SETBP1: variants seen among roughly 807,000 people sequenced by gnomAD.
SETBP1 encodes SET-binding protein.
In SETBP1, 9 loss-of-function variants were observed where a neutral mutation model predicts 101.0. That is an observed-to-expected ratio of 0.09 (90% CI 0.05 to 0.16). The LOEUF (loss-of-function observed/expected upper bound fraction) is 0.16. Ranked by LOEUF, SETBP1 falls within the 10% of genes least tolerant of loss-of-function variation. The pLI, the probability that SETBP1 is intolerant of heterozygous loss-of-function variation, is 1.00. For synonymous variants in SETBP1, 818 were observed against 788.5 expected (o/e 1.04, Z -0.63); for missense variants, 1,858 against 2,033.8 (o/e 0.91, Z 1.66).
chr18:44,713,363 G>A (rs1318187537), intron 2 of SETBP1, among the ~76,000 whole-genome samples: 4 of 152,042 alleles, frequency 2.6e-5, no homozygotes, highest in South Asian at 2.1e-4. Flanking sequence ...CACCTTTCGC[G>A]GCAGCCCTTG....
intron 2 of SETBP1, among the ~76,000 whole-genome samples, chr18:44,838,837 C>A (rs2072552411): frequency 6.6e-6 from 1 of 152,082 alleles, no homozygotes; most frequent in Admixed American, 6.5e-5. Flanking sequence ...CCCTCAGCCC[C>A]ACCCCACACT....
chr18:44,767,656 G>A (rs1437386562), intron 2 of SETBP1, among the ~76,000 whole-genome samples: 2 of 152,174 alleles, frequency 1.3e-5, no homozygotes, highest in African/African-American at 4.8e-5. Context: ...GGTCAACATA[G>A]GCCACCACCA....
rs186066077 is a variant in SETBP1, at chr18:44,861,576, C to G, written c.487-7654C>G. On this transcript the variant is annotated intron_variant, in intron 2 of 5. Transcript: ENST00000649279. ...ATAGAGCTCCCAACAGTATACATAC[C>G]CAAGGTAGCCAGAGGCTCATAAGAT... 4.9e-4 allele frequency among the ~76,000 whole-genome samples: 74 copies of G among 152,008 alleles called. 1 individual carries two copies. The highest frequency in any genetic ancestry group is 6.3e-4 in the Non-Finnish European group (43 of 67,956).
At chr18:45,022,643 A>G (rs1171297965) in intron 4 of SETBP1, among the ~76,000 whole-genome samples, 2 of 152,158 alleles carry the variant, frequency 1.3e-5, no homozygotes, top group Non-Finnish European at 2.9e-5. Flanking sequence ...CAGCCTGGCC[A>G]ACATGGTGAA....
chr18:44,820,532 G>A (rs2072089507), intron 2 of SETBP1, among the ~76,000 whole-genome samples: 1 of 152,110 alleles, frequency 6.6e-6, no homozygotes. Context: ...TTGAGACCTG[G>A]GGTTCTTTTC....
At chr18:44,809,172 C>G (rs1004501382) in intron 2 of SETBP1, among the ~76,000 whole-genome samples, 6 of 152,110 alleles carry the variant, frequency 3.9e-5, no homozygotes, top group Non-Finnish European at 8.8e-5. Flanking sequence ...ATGAATCTTT[C>G]AAACCACAGC....
At chr18:44,919,565 A>G (rs1223092326) in intron 3 of SETBP1, among the ~76,000 whole-genome samples, 2 of 151,726 alleles carry the variant, frequency 1.3e-5, no homozygotes, top group African/African-American at 4.8e-5. Context: ...GGCCAGGATG[A>G]TCTCGACCTC....
chr18:44,681,866 C>T (rs2068765642), intron 1 of SETBP1, among the ~76,000 whole-genome samples: 1 of 151,942 alleles, frequency 6.6e-6, no homozygotes, highest in Non-Finnish European at 1.5e-5. Flanking sequence ...ATTTGTGTGT[C>T]TCTTTATCCC....
At chr18:45,022,383 T>A (rs1659523490) in intron 4 of SETBP1, among the ~76,000 whole-genome samples, 1 of 152,210 alleles carries the variant, frequency 6.6e-6, no homozygotes, top group African/African-American at 2.4e-5. Context: ...CTGGAAAGTC[T>A]TTCATCTCCT....
chr18:45,032,536 C>A (rs929225414), intron 4 of SETBP1, among the ~76,000 whole-genome samples: 1 of 152,110 alleles, frequency 6.6e-6, no homozygotes, highest in Non-Finnish European at 1.5e-5. Flanking sequence ...CTTCACTCAT[C>A]CTAGAATGAA....
At chr18:44,845,447 C>G (rs528847841) in intron 2 of SETBP1, among the ~76,000 whole-genome samples, 1 of 152,330 alleles carries the variant, frequency 6.6e-6, no homozygotes, top group East Asian at 1.9e-4. Flanking sequence ...AGCTGAATTC[C>G]CATTTAGGGT....
intron 2 of SETBP1, among the ~76,000 whole-genome samples, chr18:44,852,584 T>C (rs773609911): frequency 1.3e-5 from 2 of 152,188 alleles, no homozygotes; most frequent in African/African-American, 2.4e-5. Flanking sequence ...ATTGGTATAA[T>C]AGGTATAAAG....
intron 3 of SETBP1, among the ~76,000 whole-genome samples, chr18:44,911,659 A>G (rs1599310753): frequency 6.6e-6 from 1 of 152,220 alleles, no homozygotes; most frequent in Non-Finnish European, 1.5e-5. Context: ...CTTAAATTGT[A>G]CTACAGGTCT....
chr18:44,877,463 A>G (rs2069432945), intron 3 of SETBP1: 1 of 778,342 alleles, frequency 1.3e-6, no homozygotes, highest in Non-Finnish European at 1.6e-6. Flanking sequence ...AATATTTGTA[A>G]TAGGAATAAT....
At chr18:44,903,579 C>T (rs1296935503) in intron 3 of SETBP1, among the ~76,000 whole-genome samples, 3 of 152,126 alleles carry the variant, frequency 2.0e-5, no homozygotes, top group Admixed American at 1.3e-4. Context: ...CAGTCCTTGC[C>T]CTCAAAAACT....
chr18:44,812,885 T>G (rs2071892756), intron 2 of SETBP1, among the ~76,000 whole-genome samples: 2 of 152,228 alleles, frequency 1.3e-5, no homozygotes, highest in South Asian at 4.1e-4. Context: ...ATTTCAAGAT[T>G]ATTTTCCTTG....
At chr18:44,742,620 T>C (rs561214773) in intron 2 of SETBP1, among the ~76,000 whole-genome samples, 10 of 152,320 alleles carry the variant, frequency 6.6e-5, no homozygotes, top group African/African-American at 1.9e-4. Flanking sequence ...TGTTACTGAC[T>C]TATTTCAGAA....
intron 3 of SETBP1, among the ~76,000 whole-genome samples, chr18:44,900,125 C>G (rs573287017): frequency 6.6e-6 from 1 of 152,284 alleles, no homozygotes; most frequent in Admixed American, 6.5e-5. Flanking sequence ...AGAAAGAAAG[C>G]TGAGATGAAT....
chr18:45,009,503 A>AT (rs1474536222), intron 4 of SETBP1, among the ~76,000 whole-genome samples: 1 of 150,762 alleles, frequency 6.6e-6, no homozygotes, highest in African/African-American at 2.4e-5. Flanking sequence ...TGTTCGAGGG[A>AT]TTTTTTTTCA....
Sources: gnomAD v4.1 joint callset for allele counts (sites outside exome capture counted in the v4.1 genomes callset) on GRCh38, gnomAD v4.1.1 for gene constraint, MANE v1.5 for transcripts, NCBI Gene and HGNC (gene_info 2026-07-23, HGNC 2026-07-21) for gene names.